Variants in MACROD2 observed in about 807,000 individuals in gnomAD.
MACROD2 encodes the protein ADP-ribose glycohydrolase MACROD2.
A neutral mutation model predicts 70.4 loss-of-function variants in MACROD2; 36 were observed. The ratio of observed to expected loss-of-function variants is 0.51; its 90% CI spans 0.39 to 0.68. MACROD2 has a LOEUF of 0.68. Ranked by LOEUF, MACROD2 falls within the 30% of genes least tolerant of loss-of-function variation. The pLI, the probability that MACROD2 is intolerant of heterozygous loss-of-function variation, is 0.00. For synonymous variants in MACROD2, 172 were observed against 178.8 expected, an observed-to-expected ratio of 0.96 and a Z score of 0.30; for missense variants, 496 against 538.4, an observed-to-expected ratio of 0.92 and a Z score of 0.78.
At chr20:15,082,038 T>A (rs1363743999) in intron 5 of MACROD2, among the ~76,000 whole-genome samples, 2 of 152,218 alleles carry the variant, frequency 1.3e-5, no homozygotes, top group African/African-American at 4.8e-5. Context: ...GCCAGGCTAC[T>A]GGTACCACAT....
chr20:16,031,820 A>G (rs2067155775), intron 15 of MACROD2, among the ~76,000 whole-genome samples: 4 of 152,188 alleles, frequency 2.6e-5, no homozygotes, highest in Admixed American at 2.6e-4. Flanking sequence ...GCCAGACTGC[A>G]GAGAATAGAA....
At chr20:14,385,641 C>T (rs1057216819) in intron 3 of MACROD2, among the ~76,000 whole-genome samples, 5 of 152,174 alleles carry the variant, frequency 3.3e-5, no homozygotes, top group African/African-American at 1.2e-4. Context: ...TGGCCTCTTA[C>T]TTGCAGAAGC....
At chr20:15,601,246 A>G (rs559389256) in intron 8 of MACROD2, among the ~76,000 whole-genome samples, 11 of 152,260 alleles carry the variant, frequency 7.2e-5, no homozygotes, top group Middle Eastern at 3.4e-3. Context: ...TCCAAGTGGT[A>G]TAGGGCTCAT....
intron 3 of MACROD2, among the ~76,000 whole-genome samples, chr20:14,230,641 AT>A (rs1196995749): frequency 6.4e-4 from 2 of 3,130 alleles, no homozygotes; most frequent in African/African-American, 1.1e-3. Flanking sequence ...TTATATATAT[AT>A]ATATATATAT....
intron 5 of MACROD2, among the ~76,000 whole-genome samples, chr20:14,892,391 C>T (rs113638127): frequency 0.14 from 22,027 of 152,042 alleles, 1,940 homozygotes; most frequent in East Asian, 0.22. Flanking sequence ...ACGAGAATCA[C>T]TTAAACCCAG....
intron 3 of MACROD2, among the ~76,000 whole-genome samples, chr20:14,108,738 A>G (rs2044875040): frequency 6.6e-6 from 1 of 152,106 alleles, no homozygotes; most frequent in Non-Finnish European, 1.5e-5. Flanking sequence ...TATGCACCCA[A>G]TGCTGGAGCA....
chr20:15,952,308 G>A (rs2065917830), intron 12 of MACROD2, among the ~76,000 whole-genome samples: 1 of 152,058 alleles, frequency 6.6e-6, no homozygotes, highest in African/African-American at 2.4e-5. Flanking sequence ...CAGGGTGGAT[G>A]GTTAAAGCCT....
At chr20:15,804,186 G>A (rs1029828768) in intron 8 of MACROD2, among the ~76,000 whole-genome samples, 4 of 152,156 alleles carry the variant, frequency 2.6e-5, no homozygotes, top group African/African-American at 9.7e-5. Flanking sequence ...ACTTCTTAAA[G>A]TTGGCATTTG....
chr20:15,656,049 C>T (rs16996289), intron 8 of MACROD2, among the ~76,000 whole-genome samples: 3,522 of 152,166 alleles, frequency 0.023, 170 homozygotes, highest in East Asian at 0.2. Context: ...CTAGTAACTC[C>T]GTGGTGGATT....
intron 3 of MACROD2, among the ~76,000 whole-genome samples, chr20:14,303,914 G>A (rs943177359): frequency 6.6e-6 from 1 of 152,038 alleles, no homozygotes; most frequent in Non-Finnish European, 1.5e-5. Flanking sequence ...TGATTCTTTT[G>A]TGTCAAATTC....
At chr20:14,058,905 G>A (rs928575501) in intron 2 of MACROD2, among the ~76,000 whole-genome samples, 1 of 152,072 alleles carries the variant, frequency 6.6e-6, no homozygotes, top group African/African-American at 2.4e-5. Context: ...GCCTCCCAAA[G>A]TGCTGGGATT....
intron 8 of MACROD2, among the ~76,000 whole-genome samples, chr20:15,792,382 C>A (rs79759976): frequency 2.0e-5 from 3 of 151,724 alleles, no homozygotes; most frequent in East Asian, 3.9e-4. Flanking sequence ...AAAGTTACAA[C>A]CAACTAAAAA....
chr20:15,067,505 A>C (rs1023494161), intron 5 of MACROD2, among the ~76,000 whole-genome samples: 1 of 152,046 alleles, frequency 6.6e-6, no homozygotes, highest in African/African-American at 2.4e-5. Flanking sequence ...GTGGGCCACC[A>C]CACCCGGCTA....
intron 9 of MACROD2, among the ~76,000 whole-genome samples, chr20:15,869,266 G>GAGAGAGAGAGAGAGAGAGAGAGAGAT: frequency 7.1e-6 from 1 of 140,226 alleles, no homozygotes; most frequent in Non-Finnish European, 1.6e-5. Context: ...GAGAGAGAGA[G>GAGAGAGAGAGAGAGAGAGAGAGAGAT]AGCAATGCTG....
At chr20:15,235,492 G>A (rs1304964376) in intron 6 of MACROD2, among the ~76,000 whole-genome samples, 2 of 152,184 alleles carry the variant, frequency 1.3e-5, no homozygotes, top group African/African-American at 4.8e-5. Context: ...CTTCCAATGG[G>A]AAAGATGATG....
chr20:14,192,175 G>A (rs1225959640), intron 3 of MACROD2, among the ~76,000 whole-genome samples: 2 of 151,612 alleles, frequency 1.3e-5, no homozygotes, highest in South Asian at 2.1e-4. Flanking sequence ...TTCTTCTTTG[G>A]GATTATCTAT....
In MACROD2 at chr20:14,037,643, G is replaced by C. The variant is rs112785426; in HGVS notation, c.163+35239G>C. Among the ~76,000 whole-genome samples the C allele has an allele frequency of 2.1e-4, 25 of 120,748 alleles. No homozygotes were observed. In the East Asian group the frequency reaches 5.7e-3, roughly 28 times the overall value. 79.2% of individuals were successfully genotyped at this position (120,748 alleles called of 152,430 possible). A position where few individuals can be genotyped will look rare whatever the true frequency, so the allele number is the denominator to read the frequency against. On this transcript the variant is annotated intron_variant, in intron 2 of 17. Coordinates refer to ENST00000684519, the MANE Select transcript of MACROD2 (RefSeq NM_001351661.2). ...GAACACGCCAACTGTGTGTGTGTTG[G>C]TGGGGGGGGTAGTTAGTAACCATGG...
At chr20:15,829,879 A>G (rs1361033362) in intron 8 of MACROD2, among the ~76,000 whole-genome samples, 2 of 152,214 alleles carry the variant, frequency 1.3e-5, no homozygotes, top group Admixed American at 6.5e-5. Context: ...CTAGAGGAGC[A>G]TGGTTAAAGC....
chr20:15,222,892 C>G (rs1473130348), intron 5 of MACROD2, among the ~76,000 whole-genome samples: 1 of 152,180 alleles, frequency 6.6e-6, no homozygotes, highest in African/African-American at 2.4e-5. Flanking sequence ...AATAATTCTA[C>G]TGCTTTCAAT....
Sources: allele counts gnomAD v4.1 joint callset (sites outside exome capture counted in the v4.1 genomes callset), GRCh38; gene constraint gnomAD v4.1.1; transcripts MANE v1.5; gene names NCBI Gene and HGNC (gene_info 2026-07-23, HGNC 2026-07-21).